Variants in SNX6 observed in about 807,000 individuals in gnomAD.
SNX6 encodes sorting nexin 6.
SNX6 carries 34 observed loss-of-function variants against 63.0 expected under a neutral mutation model. The ratio of observed to expected loss-of-function variants is 0.54; its 90% CI spans 0.41 to 0.72. The LOEUF is 0.72. Ranked by LOEUF, SNX6 falls within the 30% of genes least tolerant of loss-of-function variation. SNX6 has a pLI of 0.00. For missense variants in SNX6, 398 were observed against 471.4 expected (o/e 0.84, Z 1.44); for synonymous variants, 170 against 164.2 (o/e 1.04, Z -0.27).
At chr14:34,596,047 A>G (rs987791220) in intron 7 of SNX6, among the ~76,000 whole-genome samples, 10 of 151,230 alleles carry the variant, frequency 6.6e-5, no homozygotes, top group Non-Finnish European at 1.3e-4. Flanking sequence ...GTGAAACCCC[A>G]TCTGTACTAA....
At chr14:34,594,859 A>T (rs930836100) in intron 7 of SNX6, among the ~76,000 whole-genome samples, 113 of 152,154 alleles carry the variant, frequency 7.4e-4, no homozygotes, top group African/African-American at 2.6e-3. Flanking sequence ...CACTTTGGGG[A>T]GGCCGAGGTG....
chr14:34,623,539 G>C (rs1205306649), intron 2 of SNX6, among the ~76,000 whole-genome samples: 1 of 152,176 alleles, frequency 6.6e-6, no homozygotes, highest in Non-Finnish European at 1.5e-5. Flanking sequence ...TTGGAAAGTA[G>C]AAAGACTAAA....
rs1160143609 is a variant in SNX6, at chr14:34,586,272, G to T, written c.752C>A (p.Ser251Ter). 1 of 1,606,950 alleles carries T rather than the reference G, an allele frequency of 6.2e-7. No individual in the cohort carries two copies. Among genetic ancestry groups the T allele is most frequent in the Non-Finnish European group, 8.5e-7 (1 of 1,174,256 alleles). The change falls in exon 9 of 14, where the codon TCA (serine) becomes TAA (stop). Residue 251 changes from serine to a stop codon, truncating the protein, a stop_gained. Transcript: ENST00000362031. LOFTEE classifies it high-confidence loss of function. Reference sequence around the variant, plus strand: ...ATCCTGAGTTCCTAAAGCATATAATGAAGAACCAATTCTATTGTAATCATC... The same window carrying T: ...ATCCTGAGTTCCTAAAGCATATAATTAAGAACCAATTCTATTGTAATCATC... ...AADDYNRIGS[S>*]LYALGTQDST...
chr14:34,626,758 C>G (rs1883844500), intron 2 of SNX6, among the ~76,000 whole-genome samples: 1 of 151,550 alleles, frequency 6.6e-6, no homozygotes, highest in African/African-American at 2.4e-5. Flanking sequence ...AAGCCATGAA[C>G]ACAAATATTC....
At chr14:34,574,718 C>T (rs1171622162) in intron 11 of SNX6, among the ~76,000 whole-genome samples, 2 of 150,512 alleles carry the variant, frequency 1.3e-5, no homozygotes, top group African/African-American at 4.9e-5. Flanking sequence ...AGAAATATAC[C>T]AAATTCATTT....
intron 6 of SNX6, among the ~76,000 whole-genome samples, chr14:34,600,446 T>C (rs1032105296): frequency 1.4e-4 from 21 of 151,176 alleles, no homozygotes; most frequent in Non-Finnish European, 2.7e-4. Context: ...TCTTCTTCTT[T>C]TTTTTTTTTT....
intron 6 of SNX6, among the ~76,000 whole-genome samples, chr14:34,602,494 G>C (rs1044184147): frequency 4.0e-5 from 6 of 151,260 alleles, no homozygotes; most frequent in Admixed American, 4.0e-4. Flanking sequence ...GGGAGGCTGA[G>C]GCACGAGAAT....
chr14:34,596,242 A>G (rs1882592653), intron 7 of SNX6, among the ~76,000 whole-genome samples: 1 of 151,704 alleles, frequency 6.6e-6, no homozygotes, highest in South Asian at 2.1e-4. Context: ...AAAAAGAAAA[A>G]TATAGGTGTT....
chr14:34,563,039 G>GCATAAATGCTTAACAT lies in SNX6; in HGVS notation c.*67_*82dup. 4.4e-6 allele frequency: 6 copies of GCATAAATGCTTAACAT among 1,354,714 alleles called. No homozygotes were observed. The highest frequency in any genetic ancestry group is 6.3e-6 in the Non-Finnish European group (6 of 955,492). 83.9% of individuals were successfully genotyped at this position (1,354,714 alleles called of 1,614,324 possible). ...GCTGCTTTTTGTTTGTTTCCAGTGA[G>GCATAAATGCTTAACAT]CATAAATGCTTAACATCATTAAGAA... On this transcript the variant is annotated 3_prime_UTR_variant, in exon 14 of 14. Transcript: ENST00000362031.
Position 34,605,630 on chromosome 14 carries a change from C to A in SNX6, c.358G>T (p.Glu120Ter). ...LGEGEGSMTK[E>*]EFTKMKQELE... ...TCCTGTTTCATCTTTGTGAATTCTT[C>A]CTTCGTCATTGACCCTTCTCCTTCA... The change falls in exon 5 of 14, where the codon GAA (glutamate) becomes TAA (stop). Residue 120 changes from glutamate to a stop codon, truncating the protein, a stop_gained. Transcript: ENST00000362031. LOFTEE classifies it high-confidence loss of function. 1 of 1,602,794 alleles carries A rather than the reference C, an allele frequency of 6.2e-7. No homozygotes were observed. Among genetic ancestry groups the A allele is most frequent in the South Asian group, 1.1e-5 (1 of 88,278 alleles).
chr14:34,625,050 G>A (rs1474496732), intron 2 of SNX6, among the ~76,000 whole-genome samples: 1 of 151,906 alleles, frequency 6.6e-6, no homozygotes, highest in African/African-American at 2.4e-5. Context: ...CGAGTAGGTG[G>A]GATTACAGGT....
intron 13 of SNX6, among the ~76,000 whole-genome samples, chr14:34,563,569 A>C (rs1206701838): frequency 6.8e-6 from 1 of 147,420 alleles, no homozygotes; most frequent in Admixed American, 6.6e-5. Flanking sequence ...AAAAAAAAAA[A>C]AATAAGAAAA....
At chr14:34,569,042 C>A (rs1881322940) in intron 11 of SNX6, 1 of 1,403,530 alleles carries the variant, frequency 7.1e-7, no homozygotes, top group Non-Finnish European at 1.0e-6. Context: ...CATTCGGGGA[C>A]TTTCAGCTTC....
rs114250050 is a variant in SNX6, at chr14:34,624,853, A to G, written c.54+5054T>C. Among the ~76,000 whole-genome samples the G allele has an allele frequency of 4.4e-3, 667 of 152,182 alleles. 4 individuals carry two copies. Among genetic ancestry groups the G allele is most frequent in the African/African-American group, 0.016 (646 of 41,518 alleles). ...TGCTTTACATGAAATGCTAGTTATTATTTTTGAATGTGCTGTCCCCTTTGC... is the reference window on the plus strand; with the variant it reads ...TGCTTTACATGAAATGCTAGTTATTGTTTTTGAATGTGCTGTCCCCTTTGC... On this transcript the variant is annotated intron_variant, in intron 2 of 13. Coordinates refer to ENST00000362031, the MANE Select transcript of SNX6 (RefSeq NM_152233.4).
chr14:34,602,590 CAAAAAA>C (rs200915421), intron 6 of SNX6, among the ~76,000 whole-genome samples: 1 of 116,154 alleles, frequency 8.6e-6, no homozygotes, highest in Non-Finnish European at 1.8e-5. Context: ...GACTCTGTCT[CAAAAAA>C]AAAAAAAAAA....
intron 4 of SNX6, among the ~76,000 whole-genome samples, chr14:34,606,860 C>T (rs1883041271): frequency 6.6e-6 from 1 of 152,124 alleles, no homozygotes. Flanking sequence ...CTCACTGCAA[C>T]CTCTGCCTCC....
intron 11 of SNX6, among the ~76,000 whole-genome samples, chr14:34,574,619 C>CAAAAAAA (rs33959613): frequency 7.6e-5 from 6 of 79,418 alleles, no homozygotes; most frequent in East Asian, 3.8e-4. Context: ...GACTCCATCT[C>CAAAAAAA]AAAAAAAAAA....
intron 2 of SNX6, among the ~76,000 whole-genome samples, chr14:34,623,265 G>C (rs1883695791): frequency 6.6e-6 from 1 of 152,030 alleles, no homozygotes. Flanking sequence ...CGAAAGAAAA[G>C]GTGAGGGGGA....
chr14:34,629,644 C>A, intron 2 of SNX6: 1 of 688,678 alleles, frequency 1.5e-6, no homozygotes. Flanking sequence ...CCCCGCCCCG[C>A]GTGGGAGTGG....
Sources: gnomAD v4.1 joint callset for allele counts (sites outside exome capture counted in the v4.1 genomes callset) on GRCh38, gnomAD v4.1.1 for gene constraint, MANE v1.5 for transcripts, NCBI Gene and HGNC (gene_info 2026-07-23, HGNC 2026-07-21) for gene names.